Variants in GK5 observed in about 807,000 individuals in gnomAD.
GK5 encodes the protein ATP:glycerol 3-phosphotransferase 5.
Under a neutral mutation model 77.3 loss-of-function variants are expected in GK5, and 39 were observed. That is an observed-to-expected ratio of 0.50 (90% confidence interval 0.39 to 0.66). GK5 has a LOEUF of 0.66. Among genes scored for constraint, GK5 ranks in the 30% least tolerant of loss-of-function variants. The pLI is 0.00. For synonymous variants in GK5, 211 were observed against 208.0 expected (o/e 1.01, Z -0.13); for missense variants, 487 against 633.8 (o/e 0.77, Z 2.49).
chr3:142,195,744 T>C (rs77596834), intron 5 of GK5, among the ~76,000 whole-genome samples: 9,491 of 152,304 alleles, frequency 0.062, 426 homozygotes, highest in Non-Finnish European at 0.092. Context: ...CAGGGAATAC[T>C]GGCCTAAAAG....
In GK5 at chr3:142,225,412, G is replaced by C; in HGVS notation, c.44C>G (p.Pro15Arg). The change falls in exon 1 of 16, where the codon CCG becomes CGG. Residue 15 changes from proline (P) to arginine (R), a missense_variant. This residue lies in a region of GK5 where 97 missense variants were observed against 86.9 expected (regional missense o/e 1.12). Transcript: ENST00000392993. ...CCCCAGCACGAAGCCGGGGTACCGC[G>C]GCTCCTGCGCTCTCTGCTCCGGGTC... ...LTDPEQRAQE[P>R]RYPGFVLGLD... is the part of the protein sequence containing the mutation. 6.2e-7 allele frequency: 1 copy of C among 1,601,200 alleles called. No individual in the cohort carries two copies. The highest frequency in any genetic ancestry group is 8.5e-7 in the Non-Finnish European group (1 of 1,176,434).
chr3:142,220,148 T>C (rs542344020), intron 1 of GK5, among the ~76,000 whole-genome samples: 2 of 152,340 alleles, frequency 1.3e-5, no homozygotes, highest in East Asian at 3.9e-4. Flanking sequence ...TAACAAATTT[T>C]TTTTTTTGAG....
chr3:142,218,964 T>C (rs1444482034), intron 1 of GK5, among the ~76,000 whole-genome samples: 1 of 152,146 alleles, frequency 6.6e-6, no homozygotes, highest in Non-Finnish European at 1.5e-5. Context: ...AAAGAAAACA[T>C]GTGGATTACA....
At chr3:142,213,720 T>G (rs1273380080) in intron 2 of GK5, 119 bp from the exon 3 acceptor site, 4 of 628,510 alleles carry the variant, frequency 6.4e-6, no homozygotes, top group Non-Finnish European at 1.1e-5. Flanking sequence ...GGGTTTAGCA[T>G]TCTAACAAAA....
intron 1 of GK5, among the ~76,000 whole-genome samples, chr3:142,220,455 C>T (rs2064327328): frequency 6.6e-6 from 1 of 152,152 alleles, no homozygotes; most frequent in Admixed American, 6.5e-5. Flanking sequence ...TTAATACGAA[C>T]AGTGAGTGGG....
At chr3:142,176,010 T>C (rs1007077778) in intron 12 of GK5, among the ~76,000 whole-genome samples, 1 of 151,868 alleles carries the variant, frequency 6.6e-6, no homozygotes, top group Non-Finnish European at 1.5e-5. Flanking sequence ...CTGAGGACAA[T>C]TATTCATCTA....
Position 142,198,796 on chromosome 3 carries a change from T to C in GK5, c.543+6A>G. On this transcript the variant is annotated splice_donor_region_variant and intron_variant, in intron 5 of 15. Coordinates refer to ENST00000392993, the MANE Select transcript of GK5 (RefSeq NM_001039547.3). ...TATTTTCCACATACACACAGTATTT[T>C]CTTACCTCAGTCAAGTTCTGTAAAA... is the stretch of plus-strand genomic sequence containing the variant. 1 of 1,607,636 alleles carries C rather than the reference T, an allele frequency of 6.2e-7. No individual in the cohort carries two copies. The highest frequency in any genetic ancestry group is 8.5e-7 in the Non-Finnish European group (1 of 1,177,862).
Position 142,165,253 on chromosome 3 carries a change from TG to T in GK5, c.*368del, listed in dbSNP as rs1439538716. On this transcript the variant is annotated 3_prime_UTR_variant, in exon 16 of 16. Coordinates refer to ENST00000392993, the MANE Select transcript of GK5 (RefSeq NM_001039547.3). Reference sequence around the variant, plus strand: ...ACATAATTTTGGAACAATATGTGCATGGTACTTGACCCAGAACTATTAGCTT... The same window carrying T: ...ACATAATTTTGGAACAATATGTGCATGTACTTGACCCAGAACTATTAGCTT... The T allele has an allele frequency of 6.1e-6, 1 of 164,698 alleles. No homozygotes were observed. The highest frequency in any genetic ancestry group is 1.3e-5 in the Non-Finnish European group (1 of 76,502). 10.2% of individuals were successfully genotyped at this position (164,698 alleles called of 1,614,324 possible). A position where few individuals can be genotyped will look rare whatever the true frequency, so the allele number is the denominator to read the frequency against.
chr3:142,182,447 T>C (rs1288784570), intron 10 of GK5, among the ~76,000 whole-genome samples: 2 of 151,990 alleles, frequency 1.3e-5, no homozygotes, highest in East Asian at 3.9e-4. Flanking sequence ...CCGGTTCAAG[T>C]GATTCTCCTG....
chr3:142,167,937 GGGA>G (rs2063491975), intron 15 of GK5, among the ~76,000 whole-genome samples: 1 of 152,144 alleles, frequency 6.6e-6, no homozygotes, highest in Non-Finnish European at 1.5e-5. Context: ...GCTTGAACCT[GGGA>G]GGAGGAGGTT....
At chr3:142,177,704 T>C in intron 11 of GK5, 128 bp from the exon 12 acceptor site, 1 of 645,688 alleles carries the variant, frequency 1.5e-6, no homozygotes, top group East Asian at 2.7e-5. Flanking sequence ...ATGTAAAAGA[T>C]TGCTCACTTA....
chr3:142,209,612 T>A (rs2107794476), intron 3 of GK5, among the ~76,000 whole-genome samples: 1 of 152,370 alleles, frequency 6.6e-6, no homozygotes, highest in South Asian at 2.1e-4. Flanking sequence ...CATCATTCTG[T>A]GGCTCTTAAT....
chr3:142,173,209 A>C (rs1206502959), intron 12 of GK5: 1 of 446,858 alleles, frequency 2.2e-6, no homozygotes, highest in Non-Finnish European at 4.4e-6. Flanking sequence ...TAAAAAAAAA[A>C]AAAAAACACC....
At chr3:142,225,585 TG>T, upstream of GK5, 1 of 1,160,954 alleles carries the variant, frequency 8.6e-7, no homozygotes, top group Non-Finnish European at 1.1e-6. Context: ...TAGAGAGGCC[TG>T]GCCCCTGCCG....
At chr3:142,185,041 C>T in intron 9 of GK5, 1 of 985,428 alleles carries the variant, frequency 1.0e-6, no homozygotes, top group Non-Finnish European at 1.2e-6. Context: ...GTGGAGACTG[C>T]ACATCTTGCA....
rs115932584 is a variant in GK5, at chr3:142,201,719, C to T, written c.412-2786G>A. On this transcript the variant is annotated intron_variant, in intron 4 of 15. Transcript: ENST00000392993. ...TAAAATTTATGGATTGTATTAATGTCAATGTCCTGGTTGTGATGTTATACT... is the reference window on the plus strand; with the variant it reads ...TAAAATTTATGGATTGTATTAATGTTAATGTCCTGGTTGTGATGTTATACT... Among the ~76,000 whole-genome samples the T allele has an allele frequency of 3.4e-3, 519 of 152,226 alleles. 5 individuals are homozygous for T. The highest frequency in any genetic ancestry group is 0.012 in the African/African-American group (495 of 41,548).
chr3:142,186,923 A>C (rs1044184280), intron 6 of GK5, among the ~76,000 whole-genome samples: 3 of 152,022 alleles, frequency 2.0e-5, no homozygotes, highest in Non-Finnish European at 2.9e-5. Flanking sequence ...AAACCACCGC[A>C]CCTGGCCCAA....
chr3:142,208,283 C>A (rs1385164307), intron 3 of GK5, among the ~76,000 whole-genome samples: 1 of 151,798 alleles, frequency 6.6e-6, no homozygotes, highest in East Asian at 1.9e-4. Flanking sequence ...AAATAAATGT[C>A]CTTTGATATA....
rs890833057 is a variant in GK5, at chr3:142,157,962, T to TG, written c.*7659_*7660insC. On this transcript the variant is annotated 3_prime_UTR_variant, in exon 16 of 16. Coordinates refer to ENST00000392993, the MANE Select transcript of GK5 (RefSeq NM_001039547.3). ...TTGTTGTTGTTGTTGTTTTTGTTTTTTTTTTTTGAGATGGAGTCTCACTCT... is the reference window on the plus strand; with the variant it reads ...TTGTTGTTGTTGTTGTTTTTGTTTTTGTTTTTTTGAGATGGAGTCTCACTCT... The TG allele has an allele frequency of 5.9e-5, 9 of 151,696 alleles. No homozygotes were observed. The highest frequency in any genetic ancestry group is 2.1e-4 in the South Asian group (1 of 4,808). 9.4% of individuals were successfully genotyped at this position (151,696 alleles called of 1,614,324 possible). A position where few individuals can be genotyped will look rare whatever the true frequency, so the allele number is the denominator to read the frequency against.
Sources: allele counts gnomAD v4.1 joint callset (sites outside exome capture counted in the v4.1 genomes callset), GRCh38; gene constraint gnomAD v4.1.1; regional missense constraint gnomAD v4.1.1; transcripts MANE v1.5; gene names NCBI Gene and HGNC (gene_info 2026-07-23, HGNC 2026-07-21).